Variants in CNTN1 observed in about 807,000 individuals in gnomAD.
CNTN1 encodes contactin-1.
CNTN1 carries 38 observed loss-of-function variants against 126.4 expected under a neutral mutation model. That is an observed-to-expected ratio of 0.30 (90% CI 0.23 to 0.39). The LOEUF (loss-of-function observed/expected upper bound fraction) is 0.39. Ranked by LOEUF, CNTN1 falls within the 10% of genes least tolerant of loss-of-function variation. The pLI, the probability that CNTN1 is intolerant of heterozygous loss-of-function variation, is 1.00. For synonymous variants in CNTN1, 413 were observed against 422.6 expected (o/e 0.98, Z 0.28); for missense variants, 1,009 against 1,248.4 (o/e 0.81, Z 2.89).
intron 1 of CNTN1, among the ~76,000 whole-genome samples, chr12:40,753,392 C>T (rs1032995819): frequency 1.3e-5 from 2 of 152,064 alleles, no homozygotes; most frequent in African/African-American, 4.8e-5. Flanking sequence ...AGTTTTCATA[C>T]TGCTATGAAG....
intron 1 of CNTN1, among the ~76,000 whole-genome samples, chr12:40,765,797 C>T (rs1171951065): frequency 1.3e-5 from 2 of 151,990 alleles, no homozygotes; most frequent in African/African-American, 4.8e-5. Context: ...TAAATTCACA[C>T]ATTTATCAAT....
chr12:40,727,378 C>A, intron 1 of CNTN1, among the ~76,000 whole-genome samples: 2 of 149,934 alleles, frequency 1.3e-5, no homozygotes. Flanking sequence ...GAATTCAAAG[C>A]AAAGAGGATA....
intron 1 of CNTN1, among the ~76,000 whole-genome samples, chr12:40,820,597 G>T (rs144899545): frequency 6.6e-6 from 1 of 152,266 alleles, no homozygotes; most frequent in East Asian, 1.9e-4. Flanking sequence ...CTAGAGTTTG[G>T]TGGGGTTTGG....
intron 11 of CNTN1, among the ~76,000 whole-genome samples, chr12:40,938,039 C>T (rs1946139490): frequency 6.6e-6 from 1 of 152,094 alleles, no homozygotes; most frequent in African/African-American, 2.4e-5. Context: ...AATGACCAGA[C>T]CAGAGGATGA....
At chr12:40,880,155 C>A (rs113960510) in intron 1 of CNTN1, among the ~76,000 whole-genome samples, 3 of 151,878 alleles carry the variant, frequency 2.0e-5, no homozygotes, top group South Asian at 2.1e-4. Flanking sequence ...AGCAGATTAG[C>A]AATAAGGAAA....
Position 40,908,458 on chromosome 12 carries a change from A to G in CNTN1, c.26A>G (p.His9Arg). The change falls in exon 2 of 24, where the codon CAT becomes CGT. Residue 9 changes from histidine to arginine, a missense_variant. By Grantham distance (29) the His-to-Arg change is conservative (BLOSUM62 0). Coordinates refer to ENST00000551295, the MANE Select transcript of CNTN1 (RefSeq NM_001843.4). ...ATGAAAATGTGGTTGCTGGTCAGTC[A>G]TCTTGTGATAATATCTATTACTACC... is the stretch of plus-strand genomic sequence containing the variant. Reference protein sequence around the residue: MKMWLLVSHLVIISITTCL... With the variant: MKMWLLVSRLVIISITTCL... 6.2e-7 allele frequency: 1 copy of G among 1,612,760 alleles called. No homozygotes were observed.
intron 1 of CNTN1, among the ~76,000 whole-genome samples, chr12:40,731,089 C>G (rs1323621193): frequency 1.3e-5 from 2 of 151,674 alleles, no homozygotes; most frequent in African/African-American, 4.8e-5. Flanking sequence ...TCACCAAAAA[C>G]AAAAGTTTAA....
At chr12:41,049,424 T>C (rs1347315419) in intron 23 of CNTN1, among the ~76,000 whole-genome samples, 1 of 152,244 alleles carries the variant, frequency 6.6e-6, no homozygotes, top group African/African-American at 2.4e-5. Context: ...GTATCTCCAA[T>C]CTTCTTTGAA....
chr12:41,057,247 T>C (rs1198966187), intron 23 of CNTN1, among the ~76,000 whole-genome samples: 1 of 146,814 alleles, frequency 6.8e-6, no homozygotes, highest in Non-Finnish European at 1.5e-5. Context: ...TTAGATATTA[T>C]TTATAAATAT....
chr12:40,706,518 G>A (rs1225841567), intron 1 of CNTN1, among the ~76,000 whole-genome samples: 1 of 152,034 alleles, frequency 6.6e-6, no homozygotes, highest in Non-Finnish European at 1.5e-5. Context: ...TAGATTGTAA[G>A]AGTGGAGAAT....
intron 16 of CNTN1, among the ~76,000 whole-genome samples, chr12:40,983,250 G>T (rs1310974002): frequency 6.6e-6 from 1 of 152,028 alleles, no homozygotes; most frequent in Admixed American, 6.6e-5. Context: ...GCCACATATA[G>T]TTGGATTTTT....
chr12:40,714,391 G>A (rs1941997772), intron 1 of CNTN1, among the ~76,000 whole-genome samples: 1 of 151,902 alleles, frequency 6.6e-6, no homozygotes, highest in South Asian at 2.1e-4. Context: ...TCCAACATAG[G>A]CATGATTAAA....
At chr12:40,876,830 C>T (rs1943685131) in intron 1 of CNTN1, among the ~76,000 whole-genome samples, 1 of 151,952 alleles carries the variant, frequency 6.6e-6, no homozygotes, top group African/African-American at 2.4e-5. Flanking sequence ...TTTAACAAAA[C>T]TTTTTGATAG....
chr12:40,950,097 GGTGTGTGTGTGTGT>G (rs59713493), intron 14 of CNTN1, among the ~76,000 whole-genome samples: 29,389 of 145,204 alleles, frequency 0.2, 3,242 homozygotes, highest in African/African-American at 0.29. Context: ...GTGTTGAGAG[GGTGTGTGTGTGTGT>G]GTGTGTGTGT....
intron 15 of CNTN1, among the ~76,000 whole-genome samples, chr12:40,980,371 G>C (rs936112538): frequency 1.3e-5 from 2 of 150,990 alleles, no homozygotes; most frequent in Admixed American, 6.6e-5. Context: ...TTGAGCTGGG[G>C]AGGCAGGGAG....
chr12:40,966,851 T>C lies in CNTN1; in HGVS notation c.1804+7617T>C, dbSNP rs974753890. 2.0e-5 allele frequency among the ~76,000 whole-genome samples: 3 copies of C among 152,180 alleles called. No individual in the cohort carries two copies. In the East Asian group the frequency reaches 5.8e-4, roughly 29 times the overall value. ...AAAATATAAGGATAAGAAGATACTA[T>C]GTTATGCGCTAATATAAATTTAGAT... On this transcript the variant is annotated intron_variant, in intron 15 of 23. Coordinates refer to ENST00000551295, the MANE Select transcript of CNTN1 (RefSeq NM_001843.4).
intron 1 of CNTN1, among the ~76,000 whole-genome samples, chr12:40,825,959 T>C (rs1466290980): frequency 6.6e-6 from 1 of 152,144 alleles, no homozygotes; most frequent in Non-Finnish European, 1.5e-5. Flanking sequence ...GTTGCAGTCT[T>C]TGTTTCAGAG....
chr12:40,926,425 A>G (rs1009879121), intron 6 of CNTN1, among the ~76,000 whole-genome samples: 4 of 152,126 alleles, frequency 2.6e-5, no homozygotes, highest in Non-Finnish European at 5.9e-5. Flanking sequence ...CATAGAGTGA[A>G]TAAGGCAGAG....
At chr12:40,769,515 T>A (rs1173256966) in intron 1 of CNTN1, among the ~76,000 whole-genome samples, 1 of 152,208 alleles carries the variant, frequency 6.6e-6, no homozygotes, top group Non-Finnish European at 1.5e-5. Context: ...TGATATTTAT[T>A]CTGACATTTA....
Sources: gnomAD v4.1 joint callset for allele counts (sites outside exome capture counted in the v4.1 genomes callset) on GRCh38, gnomAD v4.1.1 for gene constraint, MANE v1.5 for transcripts, NCBI Gene and HGNC (gene_info 2026-07-23, HGNC 2026-07-21) for gene names.